RBMS1: variants seen among roughly 807,000 people sequenced by gnomAD.
RBMS1 encodes RNA-binding motif, single-stranded-interacting protein 1.
A neutral mutation model predicts 62.3 loss-of-function variants in RBMS1; 17 were observed. That is an observed-to-expected ratio of 0.27 (90% CI 0.19 to 0.41). The LOEUF (loss-of-function observed/expected upper bound fraction) is 0.41. Among genes scored for constraint, RBMS1 ranks in the 10% least tolerant of loss-of-function variants. The probability of loss-of-function intolerance (pLI) is 1.00; values close to 1 mark genes in which losing one functional copy is unlikely to be tolerated. For synonymous variants in RBMS1, 172 were observed against 170.0 expected, an observed-to-expected ratio of 1.01 and a Z score of -0.09; for missense variants, 334 against 504.5, an observed-to-expected ratio of 0.66 and a Z score of 3.24.
chr2:160,481,371 G>A (rs6432620), intron 1 of RBMS1, among the ~76,000 whole-genome samples: 128,031 of 145,462 alleles, frequency 0.88, 56,555 homozygotes, highest in East Asian at 0.96. Flanking sequence ...AAAAAAAAAA[G>A]AAAAAAATTC....
intron 1 of RBMS1, among the ~76,000 whole-genome samples, chr2:160,386,014 A>T (rs1400700041): frequency 6.6e-6 from 1 of 152,214 alleles, no homozygotes; most frequent in Non-Finnish European, 1.5e-5. Context: ...GCCAAACTGA[A>T]AGAACTTCTG....
chr2:160,446,950 T>C (rs952645296), intron 1 of RBMS1, among the ~76,000 whole-genome samples: 1 of 152,232 alleles, frequency 6.6e-6, no homozygotes, highest in Non-Finnish European at 1.5e-5. Context: ...CCACCTCATG[T>C]TGTTCTCCAC....
intron 2 of RBMS1, among the ~76,000 whole-genome samples, chr2:160,340,663 C>T (rs1180076134): frequency 6.6e-6 from 1 of 151,926 alleles, no homozygotes; most frequent in Non-Finnish European, 1.5e-5. Context: ...AAACTGTTAC[C>T]ACCATCCAGA....
chr2:160,442,953 C>G (rs1683472206), intron 1 of RBMS1, among the ~76,000 whole-genome samples: 1 of 152,194 alleles, frequency 6.6e-6, no homozygotes, highest in Admixed American at 6.5e-5. Context: ...CGCCTGTAAT[C>G]TCAGCACTTT....
At chr2:160,367,057 T>G in intron 2 of RBMS1, 159 bp downstream of exon 2, 2 of 588,788 alleles carry the variant, frequency 3.4e-6, no homozygotes, top group East Asian at 6.0e-5. Context: ...ACTCAAAAAG[T>G]ATTTAAGAAG....
At chr2:160,370,934 A>C (rs1693693240) in intron 1 of RBMS1, among the ~76,000 whole-genome samples, 1 of 152,236 alleles carries the variant, frequency 6.6e-6, no homozygotes, top group Non-Finnish European at 1.5e-5. Context: ...TTAAAAAAAC[A>C]AAGATTAGCT....
At chr2:160,311,232 C>CTATCTATCTATATATATA (rs1381483574) in intron 4 of RBMS1, among the ~76,000 whole-genome samples, 1 of 79,252 alleles carries the variant, frequency 1.3e-5, no homozygotes, top group Non-Finnish European at 2.5e-5. Context: ...ATCTATCTAT[C>CTATCTATCTATATATATA]TATATATATA....
rs1553508015 is a variant in RBMS1, at chr2:160,323,625, A to AAC, written c.252-5399_252-5398insGT. ...AATTTCATGAAAGAAAAAAAAAAAAAAAAAAACTGTGACTATGAAGATTCT... is the reference window on the plus strand; with the variant it reads ...AATTTCATGAAAGAAAAAAAAAAAAAACAAAAAACTGTGACTATGAAGATTCT... On this transcript the variant is annotated intron_variant, in intron 2 of 13. Coordinates refer to ENST00000348849, the MANE Select transcript of RBMS1 (RefSeq NM_016836.4). 2.0e-5 allele frequency among the ~76,000 whole-genome samples: 3 copies of AAC among 150,064 alleles called. No individual in the cohort carries two copies. The East Asian group carries it at 5.8e-4, about 29-fold the overall frequency.
At position 160,423,145 on chromosome 2, in the gene RBMS1, C is replaced by T. The variant is rs78825780; in HGVS notation, c.76-55754G>A. Among the ~76,000 whole-genome samples, 161 of 152,270 alleles carry T rather than the reference C, an allele frequency of 1.1e-3. 3 individuals are homozygous for T. The East Asian group carries it at 0.027, about 26-fold the overall frequency. On this transcript the variant is annotated intron_variant, in intron 1 of 13. Coordinates refer to ENST00000348849, the MANE Select transcript of RBMS1 (RefSeq NM_016836.4). ...TTCGAATGAACTTCTCTATAACATA[C>T]CCTCACTTGACTTTCCCCAGCCCAA...
chr2:160,438,513 C>T (rs1410049748), intron 1 of RBMS1, among the ~76,000 whole-genome samples: 5 of 152,010 alleles, frequency 3.3e-5, no homozygotes, highest in African/African-American at 1.2e-4. Flanking sequence ...CATCTTGCAC[C>T]GCCCTTAATC....
intron 1 of RBMS1, among the ~76,000 whole-genome samples, chr2:160,439,938 G>A (rs1347414784): frequency 2.4e-4 from 36 of 152,028 alleles, no homozygotes; most frequent in African/African-American, 7.7e-4. Context: ...GCCTGCAATC[G>A]CAGGCACTCG....
At chr2:160,386,626 A>C (rs1694593629) in intron 1 of RBMS1, among the ~76,000 whole-genome samples, 1 of 152,036 alleles carries the variant, frequency 6.6e-6, no homozygotes, top group Admixed American at 6.5e-5. Flanking sequence ...TGCCCTTATA[A>C]AAACATACCC....
At chr2:160,430,913 C>A (rs552514712) in intron 1 of RBMS1, among the ~76,000 whole-genome samples, 3 of 151,732 alleles carry the variant, frequency 2.0e-5, no homozygotes, top group Non-Finnish European at 4.4e-5. Flanking sequence ...AATGATGGGG[C>A]GCTTAGCACC....
intron 1 of RBMS1, among the ~76,000 whole-genome samples, chr2:160,439,613 G>A (rs1683308039): frequency 6.6e-6 from 1 of 152,110 alleles, no homozygotes; most frequent in East Asian, 1.9e-4. Context: ...CCAGACGATG[G>A]GCGGCCAGGC....
intron 5 of RBMS1, 72 bp from the exon 6 acceptor site, chr2:160,300,802 T>A (rs987069128): frequency 2.9e-6 from 4 of 1,385,526 alleles, no homozygotes; most frequent in Non-Finnish European, 2.8e-6. Context: ...GGTGCATGCA[T>A]AAACATTCTT....
chr2:160,362,391 A>G (rs763237494), intron 2 of RBMS1, among the ~76,000 whole-genome samples: 2 of 152,206 alleles, frequency 1.3e-5, no homozygotes, highest in Non-Finnish European at 2.9e-5. Context: ...GTTTTAATTT[A>G]AAGTGATAGA....
intron 1 of RBMS1, among the ~76,000 whole-genome samples, chr2:160,372,379 C>T (rs1198021526): frequency 6.6e-6 from 1 of 152,230 alleles, no homozygotes; most frequent in African/African-American, 2.4e-5. Context: ...ACCACCATCC[C>T]AAACAGCAGG....
At chr2:160,290,313 T>C (rs764706657) in intron 6 of RBMS1, among the ~76,000 whole-genome samples, 5 of 151,788 alleles carry the variant, frequency 3.3e-5, no homozygotes, top group Non-Finnish European at 5.9e-5. Flanking sequence ...CCATAAATAC[T>C]AGTCATATGA....
At chr2:160,386,224 C>A (rs1271037936) in intron 1 of RBMS1, among the ~76,000 whole-genome samples, 2 of 152,110 alleles carry the variant, frequency 1.3e-5, no homozygotes, top group Non-Finnish European at 2.9e-5. Context: ...AAATCCTAAC[C>A]CCTAATGTAA....
Sources: gnomAD v4.1 joint callset for allele counts (sites outside exome capture counted in the v4.1 genomes callset) on GRCh38, gnomAD v4.1.1 for gene constraint, MANE v1.5 for transcripts, NCBI Gene and HGNC (gene_info 2026-07-23, HGNC 2026-07-21) for gene names.